GRM3: variants seen among roughly 807,000 people sequenced by gnomAD.
The protein encoded by GRM3 is glutamate metabotropic receptor 3.
GRM3 carries 26 observed loss-of-function variants against 70.5 expected under a neutral mutation model. The ratio of observed to expected loss-of-function variants is 0.37; its 90% confidence interval spans 0.27 to 0.51. The LOEUF (loss-of-function observed/expected upper bound fraction) is 0.51. Ranked by LOEUF, GRM3 falls within the 20% of genes least tolerant of loss-of-function variation. The probability of loss-of-function intolerance (pLI) is 0.93; values close to 1 mark genes in which losing one functional copy is unlikely to be tolerated. For missense variants in GRM3, 859 were observed against 1,123.8 expected (o/e 0.76, Z 3.37); for synonymous variants, 443 against 434.9 (o/e 1.02, Z -0.23).
At chr7:86,860,287 T>C (rs974953256) in intron 5 of GRM3, among the ~76,000 whole-genome samples, 1 of 152,152 alleles carries the variant, frequency 6.6e-6, no homozygotes, top group African/African-American at 2.4e-5. Flanking sequence ...ATTACCTTGG[T>C]GAATAACAGA....
At chr7:86,648,491 T>C (rs967672919) in intron 1 of GRM3, among the ~76,000 whole-genome samples, 1 of 152,150 alleles carries the variant, frequency 6.6e-6, no homozygotes, top group Admixed American at 6.5e-5. Flanking sequence ...GTGCTAGGAA[T>C]GTAATAGTGT....
chr7:86,824,484 A>G (rs1798191568), intron 3 of GRM3, among the ~76,000 whole-genome samples: 1 of 152,196 alleles, frequency 6.6e-6, no homozygotes, highest in South Asian at 2.1e-4. Flanking sequence ...TGAGGGGGGT[A>G]ACATATACAG....
intron 1 of GRM3, among the ~76,000 whole-genome samples, chr7:86,678,043 T>C (rs1246954508): frequency 6.6e-6 from 1 of 151,928 alleles, no homozygotes; most frequent in African/African-American, 2.4e-5. Flanking sequence ...AAATATTGGA[T>C]GTCATGGGAA....
chr7:86,800,468 T>C (rs1267440914), intron 3 of GRM3, among the ~76,000 whole-genome samples: 2 of 152,046 alleles, frequency 1.3e-5, no homozygotes, highest in Admixed American at 1.3e-4. Context: ...TCGCCACTGA[T>C]CCCACAGAAA....
At chr7:86,789,815 C>T (rs1039279618) in intron 3 of GRM3, among the ~76,000 whole-genome samples, 1 of 152,172 alleles carries the variant, frequency 6.6e-6, no homozygotes, top group Non-Finnish European at 1.5e-5. Flanking sequence ...TAAAATACTC[C>T]CTGGTACTCA....
intron 1 of GRM3, among the ~76,000 whole-genome samples, chr7:86,698,691 G>A (rs1794885902): frequency 6.6e-6 from 1 of 151,762 alleles, no homozygotes; most frequent in African/African-American, 2.4e-5. Context: ...AGTGGTGAAT[G>A]TCTGCTGAGA....
At chr7:86,672,247 G>A (rs1794189765) in intron 1 of GRM3, among the ~76,000 whole-genome samples, 1 of 152,124 alleles carries the variant, frequency 6.6e-6, no homozygotes, top group South Asian at 2.1e-4. Context: ...GCCTGTAGTG[G>A]AGAAGGGATT....
chr7:86,820,499 T>A (rs946544612), intron 3 of GRM3, among the ~76,000 whole-genome samples: 1 of 152,180 alleles, frequency 6.6e-6, no homozygotes, highest in Non-Finnish European at 1.5e-5. Flanking sequence ...ACAATTTACT[T>A]CACTTACAAA....
At chr7:86,789,905 G>A (rs1030018642) in intron 3 of GRM3, among the ~76,000 whole-genome samples, 1 of 152,168 alleles carries the variant, frequency 6.6e-6, no homozygotes, top group Non-Finnish European at 1.5e-5. Context: ...TATTCCTTTT[G>A]CAAAACAGAT....
chr7:86,670,145 CTT>C (rs1185919147), intron 1 of GRM3, among the ~76,000 whole-genome samples: 1 of 152,156 alleles, frequency 6.6e-6, no homozygotes, highest in Non-Finnish European at 1.5e-5. Context: ...TGTCAGCTCT[CTT>C]TTCTTTTGAT....
intron 3 of GRM3, among the ~76,000 whole-genome samples, chr7:86,793,332 C>T (rs1436528338): frequency 6.6e-6 from 1 of 152,126 alleles, no homozygotes; most frequent in Non-Finnish European, 1.5e-5. Context: ...GCAAGGCTCT[C>T]CTCTTGAAAA....
chr7:86,692,083 A>T (rs909068594), intron 1 of GRM3, among the ~76,000 whole-genome samples: 6 of 152,228 alleles, frequency 3.9e-5, no homozygotes, highest in African/African-American at 1.4e-4. Flanking sequence ...TCAAAAATAA[A>T]GTGAATGTCA....
intron 2 of GRM3, among the ~76,000 whole-genome samples, chr7:86,774,815 A>G (rs1335343484): frequency 6.6e-6 from 1 of 152,162 alleles, no homozygotes; most frequent in Non-Finnish European, 1.5e-5. Flanking sequence ...CCAATAAGGA[A>G]AACAGATGTG....
chr7:86,830,661 C>A (rs1265550840), intron 3 of GRM3, among the ~76,000 whole-genome samples: 3 of 152,042 alleles, frequency 2.0e-5, no homozygotes, highest in African/African-American at 7.2e-5. Context: ...ATGTTAGATA[C>A]AAAATAATAC....
intron 1 of GRM3, among the ~76,000 whole-genome samples, chr7:86,677,882 G>C (rs1433021623): frequency 6.6e-6 from 1 of 151,934 alleles, no homozygotes; most frequent in Non-Finnish European, 1.5e-5. Flanking sequence ...AGAACCATCT[G>C]ATAAGGAGAT....
At chr7:86,816,519 C>A (rs541896374) in intron 3 of GRM3, among the ~76,000 whole-genome samples, 1 of 151,972 alleles carries the variant, frequency 6.6e-6, no homozygotes, top group South Asian at 2.1e-4. Flanking sequence ...ATGTTTAGCT[C>A]CCACTTGCAA....
chr7:86,748,419 A>G (rs1308140674), intron 1 of GRM3, among the ~76,000 whole-genome samples: 1 of 152,022 alleles, frequency 6.6e-6, no homozygotes, highest in East Asian at 1.9e-4. Flanking sequence ...ACCAAGCACA[A>G]TATGTTACAT....
At chr7:86,662,397 G>A (rs58133532) in intron 1 of GRM3, among the ~76,000 whole-genome samples, 5,425 of 151,692 alleles carry the variant, frequency 0.036, 318 homozygotes, top group African/African-American at 0.12. Context: ...AATGGAAGAA[G>A]GAATGAAGGA....
At chr7:86,760,131 T>C (rs1170113194) in intron 1 of GRM3, among the ~76,000 whole-genome samples, 2 of 152,096 alleles carry the variant, frequency 1.3e-5, no homozygotes, top group African/African-American at 2.4e-5. Context: ...AAAGAGTATG[T>C]ATGGTTTCTG....
Sources: allele counts gnomAD v4.1 joint callset (sites outside exome capture counted in the v4.1 genomes callset), GRCh38; gene constraint gnomAD v4.1.1; transcripts MANE v1.5; gene names NCBI Gene and HGNC (gene_info 2026-07-23, HGNC 2026-07-21).